C2CD5: variants seen among roughly 807,000 people sequenced by gnomAD.
C2CD5 encodes C2 calcium dependent domain containing 5.
A neutral mutation model predicts 130.3 loss-of-function variants in C2CD5; 109 were observed. The ratio of observed to expected loss-of-function variants is 0.84; its 90% CI spans 0.72 to 0.98. The LOEUF (loss-of-function observed/expected upper bound fraction) is 0.98, where lower values mean the gene tolerates loss of function less well. Ranked by LOEUF, C2CD5 falls within the 50% of genes least tolerant of loss-of-function variation. C2CD5 has a pLI of 0.00. For synonymous variants in C2CD5, 454 were observed against 429.2 expected (o/e 1.06, Z -0.71); for missense variants, 996 against 1,261.8 (o/e 0.79, Z 3.19).
chr12:22,536,839 C>G (rs1436292378), intron 2 of C2CD5, among the ~76,000 whole-genome samples: 2 of 151,970 alleles, frequency 1.3e-5, no homozygotes, highest in East Asian at 3.9e-4. Flanking sequence ...TCAAGTATTA[C>G]TTGCATAATT....
At chr12:22,451,275 G>C (rs1938541238) in intron 26 of C2CD5, among the ~76,000 whole-genome samples, 1 of 151,792 alleles carries the variant, frequency 6.6e-6, no homozygotes, top group African/African-American at 2.4e-5. Flanking sequence ...AAGATATAAA[G>C]GCATGCATAG....
In C2CD5 at chr12:22,493,346, T is replaced by C. The variant is rs1946599495; in HGVS notation, c.1148-9A>G. On this transcript the variant is annotated splice_polypyrimidine_tract_variant and intron_variant, in intron 10 of 26. Transcript: ENST00000446597. Reference sequence around the variant, plus strand: ...TCGAGTTTCTGGTTCATCTGAAAAATAAATTTTAAATCAGTTTATTACTCA... The same window carrying C: ...TCGAGTTTCTGGTTCATCTGAAAAACAAATTTTAAATCAGTTTATTACTCA... 1.3e-6 allele frequency: 2 copies of C among 1,498,178 alleles called. No homozygotes were observed. The highest frequency in any genetic ancestry group is 1.9e-6 in the Non-Finnish European group (2 of 1,078,678). 92.8% of individuals were successfully genotyped at this position (1,498,178 alleles called of 1,614,324 possible).
intron 9 of C2CD5, among the ~76,000 whole-genome samples, chr12:22,509,050 G>A (rs1948897382): frequency 6.6e-6 from 1 of 150,910 alleles, no homozygotes; most frequent in African/African-American, 2.4e-5. Context: ...CTAATTTTTT[G>A]TATTTTTTTA....
chr12:22,519,196 GA>G, intron 7 of C2CD5: 1 of 1,535,878 alleles, frequency 6.5e-7, no homozygotes. Flanking sequence ...GGGCTGTTGT[GA>G]GTCGAGCGGC....
At chr12:22,471,673 T>C (rs1249086171) in intron 19 of C2CD5, among the ~76,000 whole-genome samples, 185 bp from the exon 20 acceptor site, 1 of 152,004 alleles carries the variant, frequency 6.6e-6, no homozygotes, top group Non-Finnish European at 1.5e-5. Flanking sequence ...ACAATAAGAT[T>C]TAATCGTCAA....
At chr12:22,509,919 C>T (rs1294657833) in intron 9 of C2CD5, among the ~76,000 whole-genome samples, 2 of 152,040 alleles carry the variant, frequency 1.3e-5, no homozygotes, top group African/African-American at 2.4e-5. Flanking sequence ...AAAAGAATAG[C>T]TTCTGCCGGG....
intron 10 of C2CD5, among the ~76,000 whole-genome samples, chr12:22,501,012 A>T (rs562212963): frequency 6.6e-6 from 1 of 152,180 alleles, no homozygotes; most frequent in African/African-American, 2.4e-5. Flanking sequence ...CAATTTACAG[A>T]TAAGAATACA....
intron 12 of C2CD5, among the ~76,000 whole-genome samples, chr12:22,486,493 T>A (rs548878814): frequency 6.6e-6 from 1 of 152,168 alleles, no homozygotes; most frequent in East Asian, 1.9e-4. Flanking sequence ...GCATTAGCTA[T>A]CAGTCATGAC....
At chr12:22,523,916 C>T (rs7300375) in intron 6 of C2CD5, among the ~76,000 whole-genome samples, 23,818 of 151,660 alleles carry the variant, frequency 0.16, 3,765 homozygotes, top group African/African-American at 0.41. Context: ...GTGTGAAATA[C>T]ATGTATGAAT....
In C2CD5 at chr12:22,474,902, T is replaced by C. The variant is rs1943618347; in HGVS notation, c.1903-11A>G. ...CTCTTCAGATATCTCCTAAAAGAAA[T>C]ATAATTGTTTTATATCATATGAGAT... is the stretch of plus-strand genomic sequence containing the variant. On this transcript the variant is annotated splice_polypyrimidine_tract_variant and intron_variant, in intron 15 of 26. Transcript: ENST00000446597. 2 of 1,544,454 alleles carry C rather than the reference T, an allele frequency of 1.3e-6. No individual in the cohort carries two copies. Among genetic ancestry groups the C allele is most frequent in the South Asian group, 1.2e-5 (1 of 80,052 alleles).
intron 9 of C2CD5, chr12:22,512,624 T>A: frequency 6.9e-7 from 1 of 1,451,500 alleles, no homozygotes; most frequent in Non-Finnish European, 9.2e-7. Context: ...AAATAGGCTC[T>A]CACACATTTT....
At chr12:22,537,812 T>C (rs567705890) in intron 2 of C2CD5, among the ~76,000 whole-genome samples, 1 of 152,272 alleles carries the variant, frequency 6.6e-6, no homozygotes, top group African/African-American at 2.4e-5. Context: ...CCCTCAAAGG[T>C]TCCTAGAAAA....
intron 15 of C2CD5, among the ~76,000 whole-genome samples, chr12:22,476,875 C>T (rs1943916514): frequency 6.6e-6 from 1 of 151,912 alleles, no homozygotes; most frequent in Non-Finnish European, 1.5e-5. Flanking sequence ...TCATTTTTCC[C>T]AAGTGGCATA....
At chr12:22,535,225 T>C (rs1309992342) in intron 3 of C2CD5, 33 bp downstream of exon 3, 13 of 1,207,016 alleles carry the variant, frequency 1.1e-5, no homozygotes, top group African/African-American at 1.5e-5. Context: ...CTCAAAAAAA[T>C]ACACTCAAAA....
intron 12 of C2CD5, among the ~76,000 whole-genome samples, chr12:22,488,996 C>T (rs1945984576): frequency 6.6e-6 from 1 of 151,732 alleles, no homozygotes; most frequent in African/African-American, 2.4e-5. Context: ...CTGCCTTAGC[C>T]TCCTGAGTAG....
chr12:22,506,276 GGAC>G (rs2136719290), intron 10 of C2CD5, among the ~76,000 whole-genome samples: 1 of 152,156 alleles, frequency 6.6e-6, no homozygotes, highest in African/African-American at 2.4e-5. Context: ...TGAGTAGCTG[GGAC>G]AACAGGCACA....
intron 26 of C2CD5, among the ~76,000 whole-genome samples, chr12:22,452,110 A>T (rs562579275): frequency 6.6e-6 from 1 of 152,150 alleles, no homozygotes; most frequent in Non-Finnish European, 1.5e-5. Context: ...AAAACCCAAA[A>T]CTACAAATCT....
chr12:22,497,400 C>A, intron 10 of C2CD5, among the ~76,000 whole-genome samples: 1 of 150,566 alleles, frequency 6.6e-6, no homozygotes, highest in African/African-American at 2.5e-5. Context: ...AAACATGTAC[C>A]CCATAAATAC....
chr12:22,499,954 G>C (rs993508450), intron 10 of C2CD5, among the ~76,000 whole-genome samples: 1 of 152,186 alleles, frequency 6.6e-6, no homozygotes, highest in Non-Finnish European at 1.5e-5. Context: ...TTGGGAGGCT[G>C]AGGCAGATGG....
Sources: gnomAD v4.1 joint callset for allele counts (sites outside exome capture counted in the v4.1 genomes callset) on GRCh38, gnomAD v4.1.1 for gene constraint, MANE v1.5 for transcripts, NCBI Gene and HGNC (gene_info 2026-07-23, HGNC 2026-07-21) for gene names.